The following NAV1 variants were observed in gnomAD, a reference collection of about 807,000 sequenced individuals.
NAV1 encodes the protein neuron navigator 1.
In NAV1, 18 loss-of-function variants were observed where a neutral mutation model predicts 175.2. The ratio of observed to expected loss-of-function variants is 0.10; its 90% confidence interval spans 0.07 to 0.15. The LOEUF (loss-of-function observed/expected upper bound fraction) is 0.15. Among genes scored for constraint, NAV1 ranks in the 10% least tolerant of loss-of-function variants. NAV1 has a pLI of 1.00. For missense variants in NAV1, 1,731 were observed against 2,436.6 expected (o/e 0.71, Z 6.10); for synonymous variants, 897 against 978.7 (o/e 0.92, Z 1.56).
intron 3 of NAV1, among the ~76,000 whole-genome samples, chr1:201,737,012 A>G (rs763144915): frequency 5.9e-5 from 9 of 151,784 alleles, no homozygotes; most frequent in Non-Finnish European, 8.8e-5. Context: ...AGTCAAGACA[A>G]CCGTGCCACC....
intron 3 of NAV1, among the ~76,000 whole-genome samples, chr1:201,755,061 A>G (rs1217952182): frequency 6.6e-6 from 1 of 152,376 alleles, no homozygotes; most frequent in East Asian, 1.9e-4. Context: ...ATAAGAATTC[A>G]GAGTAAAGAC....
intron 1 of NAV1, among the ~76,000 whole-genome samples, chr1:201,573,591 G>A (rs1218652768): frequency 6.6e-6 from 1 of 152,118 alleles, no homozygotes. Context: ...CATGACAGAG[G>A]GAGGCCCAAA....
intron 3 of NAV1, among the ~76,000 whole-genome samples, chr1:201,761,305 C>T (rs12732287): frequency 0.052 from 7,871 of 152,258 alleles, 300 homozygotes; most frequent in Middle Eastern, 0.085. Context: ...TCAGAGGGAA[C>T]GCCTGGCAAT....
At chr1:201,571,387 T>G (rs1267486863) in intron 1 of NAV1, among the ~76,000 whole-genome samples, 1 of 152,250 alleles carries the variant, frequency 6.6e-6, no homozygotes, top group Non-Finnish European at 1.5e-5. Flanking sequence ...TACATAGTCA[T>G]GGCTTAATAC....
At chr1:201,757,665 G>A (rs917518381) in intron 3 of NAV1, among the ~76,000 whole-genome samples, 1 of 152,160 alleles carries the variant, frequency 6.6e-6, no homozygotes, top group South Asian at 2.1e-4. Context: ...GCTGACCAGG[G>A]GCATCTGCCA....
At chr1:201,617,214 C>T (rs1253954168) in intron 2 of NAV1, among the ~76,000 whole-genome samples, 1 of 90,168 alleles carries the variant, frequency 1.1e-5, no homozygotes, top group East Asian at 3.2e-4. Context: ...CTGTCTCTCT[C>T]TCTCTCTCTC....
chr1:201,599,605 T>C (rs886253702), intron 2 of NAV1, among the ~76,000 whole-genome samples: 8 of 152,216 alleles, frequency 5.3e-5, no homozygotes, highest in African/African-American at 1.4e-4. Context: ...CCCACTTCGA[T>C]GCTCAAGTCA....
intron 3 of NAV1, among the ~76,000 whole-genome samples, chr1:201,770,789 C>T (rs1463621997): frequency 2.0e-5 from 3 of 152,168 alleles, no homozygotes; most frequent in Non-Finnish European, 2.9e-5. Context: ...ACCCCTAAAT[C>T]GTTCTCATGA....
Position 201,807,384 on chromosome 1 carries a change from C to T in NAV1, c.3649-569C>T, listed in dbSNP as rs1678359782. Among the ~76,000 whole-genome samples, 1 of 152,204 alleles carries T rather than the reference C, an allele frequency of 6.6e-6. No individual in the cohort carries two copies. The highest frequency in any genetic ancestry group is 6.5e-5 in the Admixed American group (1 of 15,286). ...AATCATATTGTCAGTTTCTGGTTGACAGATGACTAGATGAACAGATTCTGG... is the reference window on the plus strand; with the variant it reads ...AATCATATTGTCAGTTTCTGGTTGATAGATGACTAGATGAACAGATTCTGG... On this transcript the variant is annotated intron_variant, in intron 17 of 29. Coordinates refer to ENST00000367296, the Ensembl canonical transcript of NAV1. The surrounding 1 kb of genome is among the most constrained non-coding windows in gnomAD (Gnocchi z 5.4).
chr1:201,785,209 G>A, intron 7 of NAV1, 101 bp from the exon 12 acceptor site: 6 of 1,236,344 alleles, frequency 4.9e-6, no homozygotes, highest in Non-Finnish European at 6.9e-6. Context: ...CTGCGTCTAG[G>A]GTCTGCATAC....
chr1:201,664,423 C>G (rs55964550), intron 1 of NAV1, among the ~76,000 whole-genome samples: 37,863 of 152,188 alleles, frequency 0.25, 5,307 homozygotes, highest in East Asian at 0.39. Context: ...CCCTGAGCTT[C>G]AGGTTCCTCA....
At chr1:201,800,147 G>A (rs1346069233) in intron 15 of NAV1, among the ~76,000 whole-genome samples, 6 of 151,720 alleles carry the variant, frequency 4.0e-5, no homozygotes, top group Non-Finnish European at 7.4e-5. Flanking sequence ...TTAGAGGTGC[G>A]CACCACCATG....
intron 1 of NAV1, among the ~76,000 whole-genome samples, chr1:201,570,485 T>C (rs746144048): frequency 6.6e-6 from 1 of 152,090 alleles, no homozygotes; most frequent in Non-Finnish European, 1.5e-5. Context: ...GCCCTGGGAG[T>C]ACCTGTCCTT....
chr1:201,596,577 G>A (rs1460617309), intron 2 of NAV1, among the ~76,000 whole-genome samples: 4 of 152,202 alleles, frequency 2.6e-5, no homozygotes, highest in Non-Finnish European at 5.9e-5. Context: ...CTCTGGCTCT[G>A]TCTTTGGCCC....
At chr1:201,643,310 T>A (rs1364285777), upstream of NAV1, among the ~76,000 whole-genome samples, 1 of 145,946 alleles carries the variant, frequency 6.9e-6, no homozygotes, top group Non-Finnish European at 1.5e-5. Context: ...TCTTTCTTTT[T>A]CTTTCTTTCT....
At chr1:201,611,167 C>T (rs1386104978) in intron 2 of NAV1, among the ~76,000 whole-genome samples, 1 of 152,204 alleles carries the variant, frequency 6.6e-6, no homozygotes, top group Non-Finnish European at 1.5e-5. Context: ...CCACCACTGG[C>T]TGCCCATCCT....
rs1393776774 is a variant in NAV1 at position 201,810,723 on chromosome 1, G to A, written c.4762G>A (p.Val1588Ile). The stretch of plus-strand genomic sequence containing the variant: ...TGGCCGTGAGGTCACAGAGGGCATC[G>A]TCAGCACCTTCAACATGCACCAGCA... The change falls in exon 24 of 30, where the codon GTC becomes ATC. Residue 1588 changes from valine to isoleucine, a missense_variant. Val to Ile is a conservative substitution (Grantham distance 29, BLOSUM62 3). This residue lies in a region of NAV1 where 115 missense variants were observed against 269.4 expected (regional missense o/e 0.43). Coordinates refer to ENST00000367296, the Ensembl canonical transcript of NAV1. The surrounding 1 kb of genome is among the most constrained non-coding windows in gnomAD (Gnocchi z 6.0). The A allele has an allele frequency of 1.1e-5, 17 of 1,613,986 alleles. No homozygotes were observed. Among genetic ancestry groups the A allele is most frequent in the East Asian group, 8.9e-5 (4 of 44,886 alleles).
intron 2 of NAV1, among the ~76,000 whole-genome samples, chr1:201,591,729 G>A (rs944257699): frequency 2.6e-5 from 4 of 152,098 alleles, no homozygotes; most frequent in Non-Finnish European, 5.9e-5. Context: ...TCCCTCTCAA[G>A]AGCATCTTCT....
chr1:201,715,926 G>A (rs532490974), intron 2 of NAV1, among the ~76,000 whole-genome samples: 101 of 152,268 alleles, frequency 6.6e-4, no homozygotes, highest in African/African-American at 2.3e-3. Context: ...GTGGGTGCAG[G>A]GCTGGAATTC....
Sources: allele counts gnomAD v4.1 joint callset (sites outside exome capture counted in the v4.1 genomes callset), GRCh38; gene constraint gnomAD v4.1.1; regional missense constraint gnomAD v4.1.1; non-coding constraint Gnocchi (gnomAD v3.1); transcripts MANE v1.5; gene names NCBI Gene and HGNC (gene_info 2026-07-23, HGNC 2026-07-21).